ARHGAP24: variants seen among roughly 807,000 people sequenced by gnomAD.
ARHGAP24 encodes rho GTPase-activating protein 24.
In ARHGAP24, 50 loss-of-function variants were observed where a neutral mutation model predicts 76.4. That is an observed-to-expected ratio of 0.65 (90% CI 0.52 to 0.83). The LOEUF is 0.83. Among genes scored for constraint, ARHGAP24 ranks in the 40% least tolerant of loss-of-function variants. ARHGAP24 has a pLI of 0.00. For missense variants in ARHGAP24, 930 were observed against 914.2 expected (o/e 1.02, Z -0.22); for synonymous variants, 345 against 323.3 (o/e 1.07, Z -0.72).
intron 2 of ARHGAP24, among the ~76,000 whole-genome samples, chr4:85,648,553 C>G (rs1177028260): frequency 1.3e-5 from 2 of 152,018 alleles, no homozygotes; most frequent in Non-Finnish European, 1.5e-5. Context: ...ACCCAGCACC[C>G]ATGACAGAAC....
At chr4:85,982,565 C>G (rs1739733167) in intron 8 of ARHGAP24, among the ~76,000 whole-genome samples, 1 of 152,074 alleles carries the variant, frequency 6.6e-6, no homozygotes, top group South Asian at 2.1e-4. Flanking sequence ...TTTCAGGAGA[C>G]CTCACTGAGC....
chr4:85,636,926 A>T (rs1318893983), intron 2 of ARHGAP24, among the ~76,000 whole-genome samples: 1 of 152,032 alleles, frequency 6.6e-6, no homozygotes, highest in Non-Finnish European at 1.5e-5. Flanking sequence ...TATAGACATG[A>T]CAAGCACTTA....
At chr4:85,745,874 C>G (rs555006541) in intron 3 of ARHGAP24, among the ~76,000 whole-genome samples, 9 of 152,232 alleles carry the variant, frequency 5.9e-5, no homozygotes, top group Non-Finnish European at 8.8e-5. Flanking sequence ...TATTCTAATG[C>G]CTAGCCTGGC....
At chr4:85,842,978 C>T (rs1730690024) in intron 3 of ARHGAP24, among the ~76,000 whole-genome samples, 1 of 152,166 alleles carries the variant, frequency 6.6e-6, no homozygotes, top group Admixed American at 6.5e-5. Flanking sequence ...GATTCTGACT[C>T]AAAGGGCAGT....
At chr4:85,609,394 G>C (rs1222631430) in intron 2 of ARHGAP24, among the ~76,000 whole-genome samples, 2 of 152,030 alleles carry the variant, frequency 1.3e-5, no homozygotes, top group African/African-American at 4.8e-5. Flanking sequence ...AGAATATTCT[G>C]GAATAAGAGT....
chr4:85,788,935 C>T (rs1236548391), intron 3 of ARHGAP24, among the ~76,000 whole-genome samples: 1 of 152,112 alleles, frequency 6.6e-6, no homozygotes, highest in Non-Finnish European at 1.5e-5. Context: ...ATAAGAAATA[C>T]ATATTTGGCC....
At chr4:85,870,327 T>G (rs1402948435) in intron 3 of ARHGAP24, among the ~76,000 whole-genome samples, 2 of 152,188 alleles carry the variant, frequency 1.3e-5, no homozygotes, top group Non-Finnish European at 2.9e-5. Context: ...GTCTATATTT[T>G]CTTTCAAAGA....
chr4:85,671,134 C>T (rs998398522), intron 2 of ARHGAP24, among the ~76,000 whole-genome samples: 2 of 152,074 alleles, frequency 1.3e-5, no homozygotes, highest in South Asian at 4.1e-4. Context: ...TTTGCTTCAT[C>T]GATACTGAAC....
At chr4:85,688,078 G>A (rs1476625551) in intron 2 of ARHGAP24, among the ~76,000 whole-genome samples, 1 of 152,114 alleles carries the variant, frequency 6.6e-6, no homozygotes, top group East Asian at 1.9e-4. Context: ...CTCCCAAAGT[G>A]CTGGAATTAT....
intron 3 of ARHGAP24, among the ~76,000 whole-genome samples, chr4:85,830,645 T>A (rs929345328): frequency 2.0e-5 from 3 of 152,210 alleles, no homozygotes; most frequent in Non-Finnish European, 4.4e-5. Flanking sequence ...TAGATTCAGA[T>A]AATATAATGG....
intron 1 of ARHGAP24, among the ~76,000 whole-genome samples, chr4:85,502,652 A>G (rs960523994): frequency 1.8e-4 from 28 of 152,324 alleles, no homozygotes; most frequent in Non-Finnish European, 3.5e-4. Flanking sequence ...ACATAGAATC[A>G]TGTCATCTCC....
intron 2 of ARHGAP24, among the ~76,000 whole-genome samples, chr4:85,587,281 G>C (rs978676303): frequency 6.6e-6 from 1 of 152,148 alleles, no homozygotes; most frequent in Non-Finnish European, 1.5e-5. Context: ...TTCTCATAAA[G>C]AGAAGGCCGA....
At chr4:85,676,368 C>T (rs570216632) in intron 2 of ARHGAP24, among the ~76,000 whole-genome samples, 1 of 152,284 alleles carries the variant, frequency 6.6e-6, no homozygotes, top group East Asian at 1.9e-4. Context: ...TCAGAGAGAT[C>T]ATTTTGCAAA....
chr4:85,518,761 A>G (rs552527170), intron 1 of ARHGAP24, among the ~76,000 whole-genome samples: 5 of 152,110 alleles, frequency 3.3e-5, no homozygotes, highest in African/African-American at 1.2e-4. Context: ...TTATCCACTC[A>G]TTGATTGATG....
chr4:85,934,815 G>A (rs72976258), intron 4 of ARHGAP24, among the ~76,000 whole-genome samples: 18 of 152,102 alleles, frequency 1.2e-4, no homozygotes, highest in African/African-American at 2.4e-4. Context: ...TCGCCCAGCC[G>A]ACAGCTCTTA....
intron 3 of ARHGAP24, among the ~76,000 whole-genome samples, chr4:85,914,780 G>C (rs1396489260): frequency 1.3e-5 from 2 of 152,134 alleles, no homozygotes; most frequent in Non-Finnish European, 2.9e-5. Context: ...CAAACTCCCT[G>C]TCTTGCTCCT....
chr4:85,756,861 A>C (rs1164605070), intron 3 of ARHGAP24, among the ~76,000 whole-genome samples: 1 of 152,216 alleles, frequency 6.6e-6, no homozygotes, highest in East Asian at 1.9e-4. Context: ...TTGAATTAAG[A>C]CTAGGATAGT....
At position 85,888,732 on chromosome 4, in the gene ARHGAP24, C is replaced by T. The variant is rs749380727; in HGVS notation, c.269-34916C>T. ...ATTACTTCATCAGCCAGTTATTAAG[C>T]CTAGTACCCACTGCTTTTTTGTCCT... On this transcript the variant is annotated intron_variant, in intron 3 of 9. Coordinates refer to ENST00000395184, the MANE Select transcript of ARHGAP24 (RefSeq NM_001025616.3). 1.9e-4 allele frequency among the ~76,000 whole-genome samples: 29 copies of T among 152,006 alleles called. 1 individual carries two copies. The highest frequency in any genetic ancestry group is 6.6e-5 in the Admixed American group (1 of 15,238).
At position 85,624,205 on chromosome 4, in the gene ARHGAP24, T is replaced by A. The variant is rs1720834899; in HGVS notation, c.180+53484T>A. Among the ~76,000 whole-genome samples the A allele has an allele frequency of 2.0e-5, 3 of 152,204 alleles. No homozygotes were observed. The South Asian group carries it at 6.2e-4, about 31-fold the overall frequency. ...GCTTCCAGTTTTTGCCCATTCAGTA[T>A]GATATTGGCTGTGGGTTTGTCATAG... On this transcript the variant is annotated intron_variant, in intron 2 of 9. Transcript: ENST00000395184.
Sources: allele counts gnomAD v4.1 joint callset (sites outside exome capture counted in the v4.1 genomes callset), GRCh38; gene constraint gnomAD v4.1.1; transcripts MANE v1.5; gene names NCBI Gene and HGNC (gene_info 2026-07-23, HGNC 2026-07-21).